PKP4: variants seen among roughly 807,000 people sequenced by gnomAD.
PKP4 encodes plakophilin 4.
In PKP4, 90 loss-of-function variants were observed where a neutral mutation model predicts 145.1. The observed-to-expected ratio is 0.62, with a 90% confidence interval of 0.52 to 0.74. The LOEUF is 0.74. Ranked by LOEUF, PKP4 falls within the 30% of genes least tolerant of loss-of-function variation. The probability of loss-of-function intolerance (pLI) is 0.00; values close to 1 mark genes in which losing one functional copy is unlikely to be tolerated. For missense variants in PKP4, 1,340 were observed against 1,482.7 expected (o/e 0.90, Z 1.58); for synonymous variants, 563 against 577.2 (o/e 0.98, Z 0.35).
At chr2:158,477,508 G>A (rs1405348797) in intron 1 of PKP4, among the ~76,000 whole-genome samples, 1 of 152,204 alleles carries the variant, frequency 6.6e-6, no homozygotes, top group Non-Finnish European at 1.5e-5. Context: ...ATCAGCTCCT[G>A]TACCGTTGAG....
intron 20 of PKP4, 152 bp from the exon 21 acceptor site, chr2:158,678,429 C>A: frequency 1.5e-6 from 1 of 652,576 alleles, no homozygotes; most frequent in Non-Finnish European, 2.8e-6. Flanking sequence ...GATCCAGGGA[C>A]CCTGAGCTGC....
At chr2:158,618,601 T>C (rs772150824) in intron 4 of PKP4, among the ~76,000 whole-genome samples, 3 of 152,242 alleles carry the variant, frequency 2.0e-5, no homozygotes, top group Non-Finnish European at 4.4e-5. Flanking sequence ...CTAAGGTTAT[T>C]TATTTTAAAT....
intron 4 of PKP4, among the ~76,000 whole-genome samples, chr2:158,619,400 A>G (rs987795185): frequency 1.1e-4 from 17 of 152,208 alleles, no homozygotes; most frequent in African/African-American, 2.7e-4. Flanking sequence ...GTCAAATAAT[A>G]TAACAGGAGA....
At chr2:158,611,896 C>G (rs1030604617) in intron 4 of PKP4, among the ~76,000 whole-genome samples, 2 of 152,016 alleles carry the variant, frequency 1.3e-5, no homozygotes, top group African/African-American at 4.8e-5. Flanking sequence ...TTTCTACAGG[C>G]CCATTTAGCC....
At chr2:158,572,734 A>G (rs1025928535) in intron 2 of PKP4, among the ~76,000 whole-genome samples, 15 of 152,228 alleles carry the variant, frequency 9.9e-5, no homozygotes, top group African/African-American at 1.7e-4. Context: ...TAAATGGTCA[A>G]TAAACATAGG....
At position 158,654,468 on chromosome 2, in the gene PKP4, A is replaced by AT. The variant is rs113567516; in HGVS notation, c.1910-3657dup. ...CAACTTGTCTACTGAAGGGTAACAT[A>AT]TTTTTTAACAACTTTATATTTTATA... On this transcript the variant is annotated intron_variant, in intron 11 of 21. Coordinates refer to ENST00000389759, the MANE Select transcript of PKP4 (RefSeq NM_003628.6). 2.4e-3 allele frequency among the ~76,000 whole-genome samples: 371 copies of AT among 152,248 alleles called. 2 individuals are homozygous for AT. The highest frequency in any genetic ancestry group is 8.5e-3 in the African/African-American group (355 of 41,532).
chr2:158,596,307 C>A (rs892392207), intron 3 of PKP4, among the ~76,000 whole-genome samples: 1 of 152,106 alleles, frequency 6.6e-6, no homozygotes, highest in African/African-American at 2.4e-5. Flanking sequence ...GAGATTTCAT[C>A]TGTAAACGTG....
intron 17 of PKP4, among the ~76,000 whole-genome samples, chr2:158,671,970 A>G (rs1241378387): frequency 6.6e-6 from 1 of 152,156 alleles, no homozygotes; most frequent in Non-Finnish European, 1.5e-5. Flanking sequence ...ACATCAAGTG[A>G]GAGAGCCCTG....
At chr2:158,621,506 G>A in intron 6 of PKP4, 85 bp downstream of exon 6, 1 of 1,169,712 alleles carries the variant, frequency 8.5e-7, no homozygotes, top group Non-Finnish European at 1.2e-6. Flanking sequence ...AGCATTTTGG[G>A]AGGCCGAGGC....
At chr2:158,670,817 A>G (rs1008693011) in intron 17 of PKP4, among the ~76,000 whole-genome samples, 1 of 152,306 alleles carries the variant, frequency 6.6e-6, no homozygotes. Flanking sequence ...TCACTGATTA[A>G]GCAGGAAGGA....
At chr2:158,539,486 G>C (rs74593365) in intron 2 of PKP4, among the ~76,000 whole-genome samples, 1 of 152,098 alleles carries the variant, frequency 6.6e-6, no homozygotes, top group East Asian at 1.9e-4. Flanking sequence ...GCAGAAGAGA[G>C]AATTTTTATT....
At chr2:158,459,750 G>T (rs1220973775) in intron 1 of PKP4, among the ~76,000 whole-genome samples, 1 of 151,754 alleles carries the variant, frequency 6.6e-6, no homozygotes, top group African/African-American at 2.4e-5. Flanking sequence ...TAGTTTCCCT[G>T]CCGCATTAGA....
intron 1 of PKP4, among the ~76,000 whole-genome samples, chr2:158,461,709 A>G (rs557359630): frequency 1.3e-5 from 2 of 152,322 alleles, no homozygotes; most frequent in South Asian, 4.1e-4. Flanking sequence ...CATCTGAGGC[A>G]TGTTTGACTT....
chr2:158,492,190 G>GA (rs535445415), intron 1 of PKP4, among the ~76,000 whole-genome samples: 24 of 148,624 alleles, frequency 1.6e-4, no homozygotes, highest in South Asian at 1.5e-3. Context: ...TGCCCTGATT[G>GA]AAAAAAAAAA....
chr2:158,563,531 C>G (rs577159175), intron 2 of PKP4, among the ~76,000 whole-genome samples: 1 of 152,142 alleles, frequency 6.6e-6, no homozygotes, highest in South Asian at 2.1e-4. Flanking sequence ...TACTTCAATC[C>G]TTTCTAGCAA....
At chr2:158,653,853 G>T (rs2055636183) in intron 11 of PKP4, among the ~76,000 whole-genome samples, 1 of 152,136 alleles carries the variant, frequency 6.6e-6, no homozygotes, top group Non-Finnish European at 1.5e-5. Context: ...CTACATCTGG[G>T]AGTTGGTGTA....
intron 4 of PKP4, among the ~76,000 whole-genome samples, chr2:158,607,620 G>A (rs146551224): frequency 6.6e-6 from 1 of 152,146 alleles, no homozygotes. Flanking sequence ...CCAGGAAGGA[G>A]ATGCCACCCG....
At chr2:158,462,594 T>C (rs1689936498) in intron 1 of PKP4, among the ~76,000 whole-genome samples, 1 of 152,226 alleles carries the variant, frequency 6.6e-6, no homozygotes, top group Non-Finnish European at 1.5e-5. Flanking sequence ...TCTTGCTGTC[T>C]GCCTCTACCC....
At chr2:158,482,658 A>G (rs553536532) in intron 1 of PKP4, among the ~76,000 whole-genome samples, 1 of 152,274 alleles carries the variant, frequency 6.6e-6, no homozygotes, top group South Asian at 2.1e-4. Flanking sequence ...CAACACAGGG[A>G]GACCCTATCT....
Sources: allele counts gnomAD v4.1 joint callset (sites outside exome capture counted in the v4.1 genomes callset), GRCh38; gene constraint gnomAD v4.1.1; transcripts MANE v1.5; gene names NCBI Gene and HGNC (gene_info 2026-07-23, HGNC 2026-07-21).